Variants in ADH4 observed in about 807,000 individuals in gnomAD.
ADH4 encodes the protein all-trans-retinol dehydrogenase [NAD(+)] ADH4.
In ADH4, 31 loss-of-function variants were observed where a neutral mutation model predicts 35.2. The ratio of observed to expected loss-of-function variants is 0.88; its 90% CI spans 0.66 to 1.19. ADH4 has a LOEUF of 1.19. Among genes scored for constraint, ADH4 ranks in the 50% most tolerant of loss-of-function variants. The pLI, the probability that ADH4 is intolerant of heterozygous loss-of-function variation, is 0.00. For synonymous variants in ADH4, 171 were observed against 160.2 expected (o/e 1.07, Z -0.51); for missense variants, 476 against 458.3 (o/e 1.04, Z -0.35).
At position 99,126,625 on chromosome 4, in the gene ADH4, C is replaced by T; in HGVS notation, c.1087G>A (p.Glu363Lys). 6.2e-7 allele frequency: 1 copy of T among 1,608,702 alleles called. No homozygotes were observed. Among genetic ancestry groups the T allele is most frequent in the Non-Finnish European group, 8.5e-7 (1 of 1,176,262 alleles). ...THTLPFDKIS[E>K]AFDLMNQGKS... ...CCTTGGTTCATTAGGTCAAATGCCT[C>T]ACTGATTTTGTCAAAAGGCAGGGTA... Residue 363 changes from glutamate to lysine, a missense_variant, in exon 8 of 9, where the codon GAG becomes AAG. Coordinates refer to ENST00000265512, the MANE Select transcript of ADH4 (RefSeq NM_000670.5).
intron 2 of ADH4, 107 bp from the exon 3 acceptor site, chr4:99,141,789 C>T (rs1379987073): frequency 9.7e-7 from 1 of 1,026,624 alleles, no homozygotes; most frequent in African/African-American, 1.6e-5. Flanking sequence ...TATAAGACTT[C>T]TAGAACTCAA....
rs1322287012 is a variant in ADH4, at chr4:99,132,503, C to A, written c.583-739G>T. 4.9e-5 allele frequency among the ~76,000 whole-genome samples: 6 copies of A among 123,198 alleles called. 1 individual carries two copies. The highest frequency in any genetic ancestry group is 1.6e-4 in the African/African-American group (5 of 31,696). The allele number at this position is 123,198 out of a possible 152,430, so 80.8% of individuals were successfully genotyped here. A position where few individuals can be genotyped will look rare whatever the true frequency, so the allele number is the denominator to read the frequency against. On this transcript the variant is annotated intron_variant, in intron 5 of 8. Coordinates refer to ENST00000265512, the MANE Select transcript of ADH4 (RefSeq NM_000670.5). ...TTTTCTTTTATTATATAATTTATAA[C>A]CTGCCTTGATTGTGGGTGTATGGTG...
intron 8 of ADH4, among the ~76,000 whole-genome samples, chr4:99,125,592 T>C (rs144427731): frequency 6.6e-5 from 10 of 152,336 alleles, no homozygotes; most frequent in Middle Eastern, 3.4e-3. Context: ...TATAATACAT[T>C]GCAGGGCTTA....
chr4:99,133,548 C>T (rs1159255339), intron 5 of ADH4: 3 of 152,156 alleles, frequency 2.0e-5, no homozygotes, highest in Non-Finnish European at 4.4e-5. Context: ...TAATTTCTTC[C>T]TATCAGATTC....
chr4:99,141,092 C>T (rs938431695), intron 3 of ADH4, among the ~76,000 whole-genome samples: 5 of 152,064 alleles, frequency 3.3e-5, no homozygotes, highest in African/African-American at 1.2e-4. Context: ...CCATTTGTGT[C>T]CATGTGTTCT....
At chr4:99,136,827 G>A (rs2110500348) in intron 4 of ADH4, 130 bp from the exon 5 acceptor site, 2 of 628,294 alleles carry the variant, frequency 3.2e-6, no homozygotes, top group Non-Finnish European at 2.7e-6. Flanking sequence ...GAAAAATTAG[G>A]GAAACAACAA....
chr4:99,142,935 T>C, intron 1 of ADH4, 155 bp from the exon 2 acceptor site: 1 of 614,412 alleles, frequency 1.6e-6, no homozygotes, highest in Non-Finnish European at 2.9e-6. Flanking sequence ...ATCTTATAGA[T>C]ATTATTTTAA....
At chr4:99,126,764 A>G (rs913718788) in intron 7 of ADH4, 32 bp from the exon 8 acceptor site, 6 of 1,563,954 alleles carry the variant, frequency 3.8e-6, no homozygotes, top group Non-Finnish European at 4.4e-6. Context: ...AAATAAAGAC[A>G]TGGCACTTGA....
chr4:99,140,073 G>A (rs548006820), intron 3 of ADH4, among the ~76,000 whole-genome samples: 1 of 152,162 alleles, frequency 6.6e-6, no homozygotes, highest in Non-Finnish European at 1.5e-5. Context: ...AAAATGTGGA[G>A]TAAATAATTT....
intron 5 of ADH4, among the ~76,000 whole-genome samples, chr4:99,134,612 G>A (rs1016503182): frequency 6.6e-6 from 1 of 151,888 alleles, no homozygotes; most frequent in Non-Finnish European, 1.5e-5. Flanking sequence ...AATAGGCTTT[G>A]ACTGCCATGT....
At chr4:99,125,238 C>T (rs1441979741) in intron 8 of ADH4, among the ~76,000 whole-genome samples, 1 of 152,176 alleles carries the variant, frequency 6.6e-6, no homozygotes, top group Non-Finnish European at 1.5e-5. Flanking sequence ...CCTGATGAGG[C>T]CCAACTTCTG....
At chr4:99,142,056 T>C (rs1232096593) in intron 2 of ADH4, among the ~76,000 whole-genome samples, 1 of 152,242 alleles carries the variant, frequency 6.6e-6, no homozygotes, top group African/African-American at 2.4e-5. Context: ...ATTACCAATG[T>C]ATACCTATAT....
At chr4:99,137,677 A>C (rs1729490255) in intron 4 of ADH4, among the ~76,000 whole-genome samples, 1 of 152,234 alleles carries the variant, frequency 6.6e-6, no homozygotes, top group South Asian at 2.1e-4. Context: ...ATAAAAGTAG[A>C]AGGAATAGCA....
At chr4:99,138,036 A>G (rs974066653) in intron 4 of ADH4, among the ~76,000 whole-genome samples, 1 of 152,136 alleles carries the variant, frequency 6.6e-6, no homozygotes, top group Non-Finnish European at 1.5e-5. Flanking sequence ...GGTTGAACAT[A>G]TTTCTCTATC....
intron 2 of ADH4, 29 bp from the exon 3 acceptor site, chr4:99,141,711 G>A: frequency 2.5e-6 from 4 of 1,600,106 alleles, no homozygotes; most frequent in South Asian, 1.1e-5. Context: ...CTTTAATTGT[G>A]TTTCTGCAAC....
intron 7 of ADH4, among the ~76,000 whole-genome samples, 172 bp from the exon 8 acceptor site, chr4:99,126,904 A>T (rs562429379): frequency 6.6e-6 from 1 of 152,060 alleles, no homozygotes; most frequent in African/African-American, 2.4e-5. Context: ...ATTTTTCTTT[A>T]TAAGAAAAAT....
Position 99,131,701 on chromosome 4 carries a change from C to G in ADH4, c.646G>C (p.Gly216Arg), listed in dbSNP as rs574884676. ...CTGGAAGCTCCTGCTGCTTTACAAC[C>G]CATTACAGCAGAAAGACCCACACCT... ...LGGVGLSAVM[G>R]CKAAGASRII... is the part of the protein sequence containing the mutation. The change falls in exon 6 of 9, where the codon GGT (glycine) becomes CGT (arginine). Residue 216 changes from glycine (G) to arginine (R), a missense_variant. Coordinates refer to ENST00000265512, the MANE Select transcript of ADH4 (RefSeq NM_000670.5). 11 of 1,614,106 alleles carry G rather than the reference C, an allele frequency of 6.8e-6. No homozygotes were observed. The highest frequency in any genetic ancestry group is 3.3e-5 in the South Asian group (3 of 91,076).
In ADH4 at chr4:99,131,568, A is replaced by T. The variant is rs774498246; in HGVS notation, c.779T>A (p.Ile260Asn). 2 of 1,614,138 alleles carry T rather than the reference A, an allele frequency of 1.2e-6. No homozygotes were observed. The highest frequency in any genetic ancestry group is 2.2e-5 in the South Asian group (2 of 91,078). Residue 260 changes from isoleucine (I) to asparagine (N), a missense_variant, in exon 6 of 9, where the codon ATC (isoleucine) becomes AAC (asparagine). By Grantham distance (149) the Ile-to-Asn change is moderately radical. Transcript: ENST00000265512. ...RDLHKPIQEV[I>N]IELTKGGVDF... ...CACACCTCCCTTGGTCAATTCAATG[A>T]TAACTTCCTGGATCGGTTTATGTAA...
rs147303408 is a variant in ADH4, at chr4:99,131,558, C to A, written c.789G>T (p.Leu263Phe). Residue 263 changes from leucine to phenylalanine, a missense_variant, in exon 6 of 9, where the codon TTG becomes TTT. Physicochemically the swap from Leu to Phe is conservative, Grantham distance 22. Coordinates refer to ENST00000265512, the MANE Select transcript of ADH4 (RefSeq NM_000670.5). ...HKPIQEVIIE[L>F]TKGGVDFALD... The stretch of plus-strand genomic sequence containing the variant: ...GGGCAAAATCCACACCTCCCTTGGT[C>A]AATTCAATGATAACTTCCTGGATCG... 5 of 1,613,992 alleles carry A rather than the reference C, an allele frequency of 3.1e-6. No homozygotes were observed. The highest frequency in any genetic ancestry group is 4.2e-6 in the Non-Finnish European group (5 of 1,180,020).
Sources: gnomAD v4.1 joint callset for allele counts (sites outside exome capture counted in the v4.1 genomes callset) on GRCh38, gnomAD v4.1.1 for gene constraint, MANE v1.5 for transcripts, NCBI Gene and HGNC (gene_info 2026-07-23, HGNC 2026-07-21) for gene names.